The following HPSE2 variants were observed in gnomAD, a reference collection of about 807,000 sequenced individuals.
The protein encoded by HPSE2 is heparanase 2 (inactive), also known as inactive heparanase-2.
HPSE2 carries 38 observed loss-of-function variants against 60.5 expected under a neutral mutation model. The observed-to-expected ratio is 0.63, with a 90% CI of 0.48 to 0.82. The LOEUF (loss-of-function observed/expected upper bound fraction) is 0.82. Among genes scored for constraint, HPSE2 ranks in the 40% least tolerant of loss-of-function variants. The probability of loss-of-function intolerance (pLI) is 0.00; values close to 1 mark genes in which losing one functional copy is unlikely to be tolerated. For missense variants in HPSE2, 713 were observed against 740.4 expected (o/e 0.96, Z 0.43); for synonymous variants, 295 against 293.2 (o/e 1.01, Z -0.06).
At chr10:99,173,943 C>CAAAAAAAAAAAA (rs61074165) in intron 2 of HPSE2, among the ~76,000 whole-genome samples, 1 of 99,942 alleles carries the variant, frequency 1.0e-5, no homozygotes, top group Non-Finnish European at 1.8e-5. Context: ...GACTCTGTCT[C>CAAAAAAAAAAAA]AAAAAAAAAA....
intron 3 of HPSE2, among the ~76,000 whole-genome samples, chr10:98,895,222 T>A (rs1189087373): frequency 6.6e-6 from 1 of 152,088 alleles, no homozygotes; most frequent in African/African-American, 2.4e-5. Context: ...ATACAGCTGA[T>A]CATACATATG....
chr10:98,672,949 T>C (rs1472224743), intron 6 of HPSE2, among the ~76,000 whole-genome samples: 1 of 152,170 alleles, frequency 6.6e-6, no homozygotes, highest in Non-Finnish European at 1.5e-5. Flanking sequence ...TGGAATATAT[T>C]ATCAGAAATT....
At chr10:98,954,641 C>T (rs569951917) in intron 3 of HPSE2, among the ~76,000 whole-genome samples, 13 of 152,210 alleles carry the variant, frequency 8.5e-5, no homozygotes, top group Middle Eastern at 3.4e-3. Context: ...GAACACCTTT[C>T]GGCATCACGT....
At chr10:99,177,774 A>C (rs916197623) in intron 2 of HPSE2, among the ~76,000 whole-genome samples, 2 of 152,176 alleles carry the variant, frequency 1.3e-5, no homozygotes, top group Non-Finnish European at 2.9e-5. Flanking sequence ...AAGCGACCTG[A>C]TAGACATCTA....
At chr10:99,208,946 C>T (rs1421854189) in intron 2 of HPSE2, among the ~76,000 whole-genome samples, 1 of 152,094 alleles carries the variant, frequency 6.6e-6, no homozygotes, top group Non-Finnish European at 1.5e-5. Flanking sequence ...AATTAATGAA[C>T]ATATAATAGT....
chr10:99,041,812 G>A (rs368167645), intron 3 of HPSE2, among the ~76,000 whole-genome samples: 6 of 152,036 alleles, frequency 3.9e-5, no homozygotes, highest in East Asian at 3.9e-4. Flanking sequence ...AGAGATAACC[G>A]ACAGGCCCGT....
intron 5 of HPSE2, among the ~76,000 whole-genome samples, chr10:98,699,347 C>A (rs977591388): frequency 1.4e-5 from 2 of 146,594 alleles, no homozygotes; most frequent in African/African-American, 4.9e-5. Context: ...ATACGCAAAT[C>A]AATAAATGTA....
intron 9 of HPSE2, among the ~76,000 whole-genome samples, chr10:98,524,083 AC>A (rs1942883139): frequency 6.6e-6 from 1 of 152,198 alleles, no homozygotes; most frequent in East Asian, 1.9e-4. Flanking sequence ...AAGACACGCA[AC>A]CAGTACAGTT....
intron 6 of HPSE2, among the ~76,000 whole-genome samples, chr10:98,673,812 A>G (rs1947566911): frequency 2.0e-5 from 3 of 152,194 alleles, no homozygotes; most frequent in Admixed American, 2.0e-4. Flanking sequence ...GACCTCAGTT[A>G]AATCCTGGAC....
chr10:99,081,374 T>C (rs1372768703), intron 3 of HPSE2, among the ~76,000 whole-genome samples: 1 of 152,198 alleles, frequency 6.6e-6, no homozygotes, highest in Admixed American at 6.5e-5. Flanking sequence ...AGATTGCCAT[T>C]TATCATTTAG....
At chr10:98,577,314 T>A (rs927962367) in intron 9 of HPSE2, among the ~76,000 whole-genome samples, 2 of 152,162 alleles carry the variant, frequency 1.3e-5, no homozygotes, top group Non-Finnish European at 2.9e-5. Flanking sequence ...TTTCCTGAAA[T>A]CCCACTTAAA....
At position 98,940,858 on chromosome 10, in the gene HPSE2, A is replaced by C. The variant is rs1366874510; in HGVS notation, c.611-196802T>G. Among the ~76,000 whole-genome samples, 3 of 138,954 alleles carry C rather than the reference A, an allele frequency of 2.2e-5. 1 individual carries two copies. The highest frequency in any genetic ancestry group is 9.2e-5 in the African/African-American group (3 of 32,572). The allele number at this position is 138,954 out of a possible 152,430, so 91.2% of individuals were successfully genotyped here. A position where few individuals can be genotyped will look rare whatever the true frequency, so the allele number is the denominator to read the frequency against. ...AATAAAATACTGGCAAAACAAATCCAGCAGCACATCAAAAAGCTTATCCAC... is the reference window on the plus strand; with the variant it reads ...AATAAAATACTGGCAAAACAAATCCCGCAGCACATCAAAAAGCTTATCCAC... On this transcript the variant is annotated intron_variant, in intron 3 of 11. Coordinates refer to ENST00000370552, the MANE Select transcript of HPSE2 (RefSeq NM_021828.5).
chr10:98,533,437 G>A (rs1007173980), intron 9 of HPSE2, among the ~76,000 whole-genome samples: 3 of 152,122 alleles, frequency 2.0e-5, no homozygotes, highest in African/African-American at 7.2e-5. Flanking sequence ...TTAATCACAT[G>A]CAATTCTTCT....
intron 3 of HPSE2, among the ~76,000 whole-genome samples, chr10:99,017,486 C>A (rs535362673): frequency 2.0e-5 from 3 of 152,020 alleles, no homozygotes; most frequent in Non-Finnish European, 4.4e-5. Flanking sequence ...CTTAAGTTGT[C>A]TTTTTTTGTT....
intron 3 of HPSE2, among the ~76,000 whole-genome samples, chr10:98,935,416 C>T (rs1954760164): frequency 7.0e-6 from 1 of 143,764 alleles, no homozygotes; most frequent in Non-Finnish European, 1.5e-5. Context: ...CCTCATCTTT[C>T]TGGATTTATC....
intron 3 of HPSE2, among the ~76,000 whole-genome samples, chr10:98,920,805 T>C (rs1370614654): frequency 6.6e-6 from 1 of 152,228 alleles, no homozygotes; most frequent in Non-Finnish European, 1.5e-5. Context: ...TAAATAATCA[T>C]AGTCTGCTCT....
chr10:98,887,089 C>CA (rs1163829097), intron 3 of HPSE2, among the ~76,000 whole-genome samples: 1 of 152,114 alleles, frequency 6.6e-6, no homozygotes, highest in South Asian at 2.1e-4. Context: ...ATTAATATAC[C>CA]AAACAATGAG....
At chr10:98,510,490 G>T (rs1275829000) in intron 9 of HPSE2, among the ~76,000 whole-genome samples, 1 of 152,162 alleles carries the variant, frequency 6.6e-6, no homozygotes, top group Non-Finnish European at 1.5e-5. Flanking sequence ...GCACTGCTAG[G>T]CCAGAAAGGT....
intron 3 of HPSE2, among the ~76,000 whole-genome samples, chr10:99,096,695 TG>T (rs1469164564): frequency 1.0e-4 from 11 of 106,344 alleles, no homozygotes; most frequent in South Asian, 3.6e-4. Context: ...TAAATTGTTG[TG>T]TTTTTTTTTT....
Sources: gnomAD v4.1 joint callset for allele counts (sites outside exome capture counted in the v4.1 genomes callset) on GRCh38, gnomAD v4.1.1 for gene constraint, MANE v1.5 for transcripts, NCBI Gene and HGNC (gene_info 2026-07-23, HGNC 2026-07-21) for gene names.